ZNF236: variants seen among roughly 807,000 people sequenced by gnomAD.
ZNF236 encodes zinc finger protein 236.
ZNF236 carries 50 observed loss-of-function variants against 191.2 expected under a neutral mutation model. The ratio of observed to expected loss-of-function variants is 0.26; its 90% CI spans 0.21 to 0.33. ZNF236 has a LOEUF of 0.33. Ranked by LOEUF, ZNF236 falls within the 10% of genes least tolerant of loss-of-function variation. ZNF236 has a pLI of 1.00. For missense variants in ZNF236, 1,754 were observed against 2,374.5 expected (o/e 0.74, Z 5.43); for synonymous variants, 907 against 928.8 (o/e 0.98, Z 0.43).
chr18:76,940,975 G>T (rs1344989516), intron 26 of ZNF236, among the ~76,000 whole-genome samples: 1 of 152,210 alleles, frequency 6.6e-6, no homozygotes, highest in East Asian at 1.9e-4. Flanking sequence ...AGGGATCTAG[G>T]TTGTGTGATC....
At chr18:76,879,877 T>C (rs972570964) in intron 7 of ZNF236, among the ~76,000 whole-genome samples, 1 of 152,178 alleles carries the variant, frequency 6.6e-6, no homozygotes, top group African/African-American at 2.4e-5. Flanking sequence ...TGAGTCTCTA[T>C]GCTCACTGGA....
At position 76,925,542 on chromosome 18, in the gene ZNF236, G is replaced by A. The variant is rs1417260689; in HGVS notation, c.4015G>A (p.Ala1339Thr). ...ACTGGTGGGCCAAGCTATTCTCCCT[G>A]CCTCTGTGTCAGGTAAACGCTGAGC... ...PGLVGQAILP[A>T]SVSAGGDLTV... Residue 1339 changes from alanine to threonine, a missense_variant, in exon 22 of 31, where the codon GCC (alanine) becomes ACC (threonine). Physicochemically the swap from Ala to Thr is moderately conservative, Grantham distance 58. Around this residue, in one of 5 missense-constraint regions of ZNF236, gnomAD observed 606 missense variants for 761.5 expected, o/e 0.80. Coordinates refer to ENST00000320610, the MANE Select transcript of ZNF236 (RefSeq NM_001306089.2). This position sits in a 1 kb window ranked among gnomAD's most constrained non-coding sequence, Gnocchi z 5.7. 1 of 1,612,800 alleles carries A rather than the reference G, an allele frequency of 6.2e-7. No homozygotes were observed. The highest frequency in any genetic ancestry group is 8.5e-7 in the Non-Finnish European group (1 of 1,179,930).
chr18:76,826,119 T>A (rs1599303992), intron 1 of ZNF236, among the ~76,000 whole-genome samples: 1 of 100,388 alleles, frequency 1.0e-5, no homozygotes, highest in East Asian at 2.7e-4. Flanking sequence ...GGATACCTGA[T>A]TTTTTTTTCT....
intron 3 of ZNF236, among the ~76,000 whole-genome samples, chr18:76,865,968 A>G (rs1976392890): frequency 1.3e-5 from 2 of 152,254 alleles, no homozygotes; most frequent in Non-Finnish European, 2.9e-5. Flanking sequence ...ATTGAGATTT[A>G]TAGTCTAAAA....
At chr18:76,836,706 T>G (rs1165906037) in intron 1 of ZNF236, among the ~76,000 whole-genome samples, 2 of 151,572 alleles carry the variant, frequency 1.3e-5, no homozygotes, top group Non-Finnish European at 2.9e-5. Context: ...GCCTCCCGAG[T>G]GGCTGGAGCT....
chr18:76,971,219 T>C lies in ZNF236; in HGVS notation c.*2880T>C, dbSNP rs1187998793. Among the ~76,000 whole-genome samples the C allele has an allele frequency of 6.6e-6, 1 of 152,198 alleles. No individual in the cohort carries two copies. Among genetic ancestry groups the C allele is most frequent in the Non-Finnish European group, 1.5e-5 (1 of 68,028 alleles). On this transcript the variant is annotated 3_prime_UTR_variant, in exon 31 of 31. Transcript: ENST00000320610. The stretch of plus-strand genomic sequence containing the variant: ...TAATGCCCAAGCGGCTGCGTTTCCA[T>C]AGAATGGCAATAGATGAAAATGAAG...
chr18:76,882,092 TA>T (rs565356416), intron 9 of ZNF236, among the ~76,000 whole-genome samples: 91 of 152,332 alleles, frequency 6.0e-4, no homozygotes, highest in African/African-American at 2.1e-3. Flanking sequence ...GGCACAAACT[TA>T]TTAGACATCA....
At chr18:76,846,071 G>C (rs1335462665) in intron 1 of ZNF236, among the ~76,000 whole-genome samples, 1 of 152,212 alleles carries the variant, frequency 6.6e-6, no homozygotes, top group African/African-American at 2.4e-5. Flanking sequence ...CCTAGCTGGG[G>C]CTCCTTTCAG....
At chr18:76,849,455 A>G (rs1452596189) in intron 1 of ZNF236, 71 bp from the exon 2 acceptor site, 1 of 1,317,362 alleles carries the variant, frequency 7.6e-7, no homozygotes, top group Non-Finnish European at 1.0e-6. Flanking sequence ...ACAATAACCA[A>G]TAATTTGGTT....
chr18:76,884,369 C>T (rs1976987589), intron 9 of ZNF236, among the ~76,000 whole-genome samples: 1 of 151,308 alleles, frequency 6.6e-6, no homozygotes, highest in African/African-American at 2.4e-5. Flanking sequence ...CCATTGGACT[C>T]CAGCCCCGGC....
At chr18:76,860,687 TC>T (rs1488755951) in intron 3 of ZNF236, among the ~76,000 whole-genome samples, 1 of 152,230 alleles carries the variant, frequency 6.6e-6, no homozygotes, top group Non-Finnish European at 1.5e-5. Context: ...TTTGTAAAAC[TC>T]CAGCTCCCTT....
chr18:76,932,769 G>A (rs1967891644), intron 25 of ZNF236, among the ~76,000 whole-genome samples: 1 of 152,210 alleles, frequency 6.6e-6, no homozygotes, highest in South Asian at 2.1e-4. Flanking sequence ...CAGTTTGAGT[G>A]GAGTGGTGTT....
intron 1 of ZNF236, among the ~76,000 whole-genome samples, chr18:76,829,488 C>A (rs962791004): frequency 6.6e-6 from 1 of 152,036 alleles, no homozygotes; most frequent in Admixed American, 6.6e-5. Context: ...CTACTACGCC[C>A]GGCTAATTTT....
chr18:76,907,236 A>G (rs1284767854), intron 13 of ZNF236, among the ~76,000 whole-genome samples: 1 of 152,256 alleles, frequency 6.6e-6, no homozygotes, highest in African/African-American at 2.4e-5. Context: ...TGGAACTGAG[A>G]ATGAAATTCT....
rs1968633264 is a variant in ZNF236, at chr18:76,960,315, T to C, written c.5243-364T>C. Among the ~76,000 whole-genome samples, 1 of 152,232 alleles carries C rather than the reference T, an allele frequency of 6.6e-6. No homozygotes were observed. The highest frequency in any genetic ancestry group is 2.4e-5 in the African/African-American group (1 of 41,462). On this transcript the variant is annotated intron_variant, in intron 29 of 30. Coordinates refer to ENST00000320610, the MANE Select transcript of ZNF236 (RefSeq NM_001306089.2). The surrounding 1 kb of genome is among the most constrained non-coding windows in gnomAD (Gnocchi z 4.4). ...TCTTCCATCTTCTGCCTCTTGACTG[T>C]ACATGATAGCTCGTGTCAGCCCTTC...
chr18:76,919,869 C>G lies in ZNF236; in HGVS notation c.3368C>G (p.Ala1123Gly), dbSNP rs1173018634. The G allele has an allele frequency of 1.2e-6, 2 of 1,614,080 alleles. No homozygotes were observed. Among genetic ancestry groups the G allele is most frequent in the African/African-American group, 2.7e-5 (2 of 74,922 alleles). Reference protein sequence around the residue: ...EVITFTEEETAQLAKIRPQES... With the variant: ...EVITFTEEETGQLAKIRPQES... The stretch of plus-strand genomic sequence containing the variant: ...ATCACTTTCACGGAGGAGGAGACAG[C>G]CCAGTTAGCCAAGATCCGGCCGCAG... The change falls in exon 20 of 31, where the codon GCC becomes GGC. Residue 1123 changes from alanine to glycine, a missense_variant. Physicochemically the swap from Ala to Gly is moderately conservative, Grantham distance 60. Coordinates refer to ENST00000320610, the MANE Select transcript of ZNF236 (RefSeq NM_001306089.2). The surrounding 1 kb of genome is among the most constrained non-coding windows in gnomAD (Gnocchi z 5.3).
intron 1 of ZNF236, among the ~76,000 whole-genome samples, chr18:76,826,581 A>G (rs1199734473): frequency 6.7e-6 from 1 of 149,856 alleles, no homozygotes; most frequent in African/African-American, 2.4e-5. Flanking sequence ...ACTTGAGGCC[A>G]GGAGTTTGAG....
chr18:76,857,295 G>T (rs1242062139), intron 3 of ZNF236, among the ~76,000 whole-genome samples: 1 of 150,534 alleles, frequency 6.6e-6, no homozygotes, highest in African/African-American at 2.5e-5. Flanking sequence ...GCTCAGCCAG[G>T]ACCCCCATGG....
chr18:76,874,033 C>T (rs1182024363), intron 5 of ZNF236, among the ~76,000 whole-genome samples: 1 of 150,442 alleles, frequency 6.6e-6, no homozygotes, highest in East Asian at 2.0e-4. Context: ...GCCTGTCCTC[C>T]TCTCCTGTCC....
Sources: allele counts gnomAD v4.1 joint callset (sites outside exome capture counted in the v4.1 genomes callset), GRCh38; gene constraint gnomAD v4.1.1; regional missense constraint gnomAD v4.1.1; non-coding constraint Gnocchi (gnomAD v3.1); transcripts MANE v1.5; gene names NCBI Gene and HGNC (gene_info 2026-07-23, HGNC 2026-07-21).